The following ITSN1 variants were observed in gnomAD, a reference collection of about 807,000 sequenced individuals.
ITSN1 encodes the protein intersectin-1.
In ITSN1, 58 loss-of-function variants were observed where a neutral mutation model predicts 239.8. The observed-to-expected ratio is 0.24, with a 90% CI of 0.20 to 0.30. The LOEUF (loss-of-function observed/expected upper bound fraction) is 0.30, where lower values mean the gene tolerates loss of function less well. ITSN1 is among the 10% of genes least tolerant of loss of function. The pLI, the probability that ITSN1 is intolerant of heterozygous loss-of-function variation, is 1.00. For missense variants in ITSN1, 1,558 were observed against 2,103.3 expected (o/e 0.74, Z 5.07); for synonymous variants, 780 against 770.8 (o/e 1.01, Z -0.20).
At chr21:33,725,137 T>G (rs562489040) in intron 4 of ITSN1, among the ~76,000 whole-genome samples, 20 of 42,026 alleles carry the variant, frequency 4.8e-4, no homozygotes, top group South Asian at 4.5e-3. Flanking sequence ...TTTTTTGTTT[T>G]TTTTTTTTTT....
rs1457184417 is a variant in ITSN1, at chr21:33,890,298, G to A, written c.*1998G>A. On this transcript the variant is annotated 3_prime_UTR_variant, in exon 40 of 40. Coordinates refer to ENST00000381318, the MANE Select transcript of ITSN1 (RefSeq NM_003024.3). ...ATGGGGTAGTGTGGGTCACCATTCC[G>A]ATCTCTTTTTGTTTTCTGTCCTGTC... The A allele has an allele frequency of 1.3e-5, 2 of 152,166 alleles. No homozygotes were observed. The highest frequency in any genetic ancestry group is 2.4e-5 in the African/African-American group (1 of 41,430). The allele number at this position is 152,166 out of a possible 1,614,324, so 9.4% of individuals were successfully genotyped here.
chr21:33,753,549 T>G (rs1219356874), intron 7 of ITSN1, among the ~76,000 whole-genome samples: 1 of 151,938 alleles, frequency 6.6e-6, no homozygotes, highest in African/African-American at 2.4e-5. Context: ...GATCACAAGG[T>G]CAGGAGTTCG....
At chr21:33,825,117 A>C (rs1170582440) in intron 25 of ITSN1, among the ~76,000 whole-genome samples, 1 of 152,242 alleles carries the variant, frequency 6.6e-6, no homozygotes, top group Non-Finnish European at 1.5e-5. Context: ...TACGAAAGCC[A>C]TTACTTGTAA....
intron 29 of ITSN1, among the ~76,000 whole-genome samples, chr21:33,850,332 G>A (rs1250303425): frequency 2.0e-5 from 3 of 152,208 alleles, no homozygotes; most frequent in Non-Finnish European, 4.4e-5. Context: ...CAGGCTGGGT[G>A]GGATACCTGA....
intron 1 of ITSN1, among the ~76,000 whole-genome samples, chr21:33,642,996 GC>G (rs2087546378): frequency 6.7e-6 from 1 of 150,076 alleles, no homozygotes; most frequent in Non-Finnish European, 1.5e-5. Context: ...CGCGGGACGG[GC>G]GTGGGGATGA....
chr21:33,781,585 T>C lies in ITSN1; in HGVS notation c.1684+37T>C, dbSNP rs374662396. ...ATTTTTAAAGTTGACCTTTTCTTTA[T>C]TCTTTCTTTTTTTGACATGGAGTCT... On this transcript the variant is annotated intron_variant, in intron 15 of 39. Transcript: ENST00000381318. 10 of 1,211,752 alleles carry C rather than the reference T, an allele frequency of 8.3e-6. No homozygotes were observed. In the East Asian group the frequency reaches 2.3e-4, roughly 28 times the overall value. The allele number at this position is 1,211,752 out of a possible 1,614,324, so 75.1% of individuals were successfully genotyped here.
At position 33,718,865 on chromosome 21, in the gene ITSN1, T is replaced by C; in HGVS notation, c.28+9T>C. 6.2e-7 allele frequency: 1 copy of C among 1,611,418 alleles called. No homozygotes were observed. The highest frequency in any genetic ancestry group is 8.5e-7 in the Non-Finnish European group (1 of 1,178,114). ...TCCAACACCTTTTGGTGGTAAGTTT[T>C]CAGAAATTTCTCTTTTTAATGTACT... On this transcript the variant is annotated intron_variant, in intron 2 of 39. Coordinates refer to ENST00000381318, the MANE Select transcript of ITSN1 (RefSeq NM_003024.3).
chr21:33,887,745 A>G (rs1986015232), intron 39 of ITSN1, among the ~76,000 whole-genome samples: 1 of 152,298 alleles, frequency 6.6e-6, no homozygotes, highest in South Asian at 2.1e-4. Context: ...AGCAGGGATG[A>G]CAGGCATGAA....
At chr21:33,738,307 C>T (rs936740563) in intron 5 of ITSN1, among the ~76,000 whole-genome samples, 1 of 152,144 alleles carries the variant, frequency 6.6e-6, no homozygotes, top group Admixed American at 6.5e-5. Context: ...ACTGTATTAG[C>T]CCTGTTATAT....
Position 33,772,082 on chromosome 21 carries a change from G to A in ITSN1, c.1064G>A (p.Arg355Gln). 1.2e-6 allele frequency: 2 copies of A among 1,614,144 alleles called. No homozygotes were observed. Among genetic ancestry groups the A allele is most frequent in the Non-Finnish European group, 1.7e-6 (2 of 1,180,032 alleles). The change falls in exon 12 of 40, where the codon CGG becomes CAG. Residue 355 changes from arginine (R) to glutamine (Q), a missense_variant. By Grantham distance (43) the Arg-to-Gln change is conservative. Coordinates refer to ENST00000381318, the MANE Select transcript of ITSN1 (RefSeq NM_003024.3). ...GAAGTAACGTTTGAAGATAAGAAGC[G>A]GGAGAACTTTGAACGTGGCAACCTG... ...KLPVTFEDKK[R>Q]ENFERGNLEL...
intron 29 of ITSN1, among the ~76,000 whole-genome samples, chr21:33,844,387 C>T (rs1329552497): frequency 6.6e-6 from 1 of 152,238 alleles, no homozygotes; most frequent in African/African-American, 2.4e-5. Flanking sequence ...CCATGCAGCG[C>T]TCCACAATAA....
In ITSN1 at chr21:33,772,084, G is replaced by A; in HGVS notation, c.1066G>A (p.Glu356Lys). The A allele has an allele frequency of 3.7e-6, 6 of 1,614,218 alleles. No individual in the cohort carries two copies. The highest frequency in any genetic ancestry group is 5.1e-6 in the Non-Finnish European group (6 of 1,180,042). The change falls in exon 12 of 40, where the codon GAG becomes AAG. Residue 356 changes from glutamate to lysine, a missense_variant. By Grantham distance (56) the Glu-to-Lys change is moderately conservative. Coordinates refer to ENST00000381318, the MANE Select transcript of ITSN1 (RefSeq NM_003024.3). ...LPVTFEDKKR[E>K]NFERGNLELE... ...AGTAACGTTTGAAGATAAGAAGCGGGAGAACTTTGAACGTGGCAACCTGGA... is the reference window on the plus strand; with the variant it reads ...AGTAACGTTTGAAGATAAGAAGCGGAAGAACTTTGAACGTGGCAACCTGGA...
rs1401030007 is a variant in ITSN1, at chr21:33,899,467, GTC to G, written c.*11169_*11170del. On this transcript the variant is annotated 3_prime_UTR_variant, in exon 40 of 40. Coordinates refer to ENST00000381318, the MANE Select transcript of ITSN1 (RefSeq NM_003024.3). ...TTTTCCATAAAAGAGAGACTATATTGTCTGATATGTAATGTTAATGGAATTCT... is the reference window on the plus strand; with the variant it reads ...TTTTCCATAAAAGAGAGACTATATTGTGATATGTAATGTTAATGGAATTCT... The G allele has an allele frequency of 2.0e-5, 3 of 152,290 alleles. No individual in the cohort carries two copies. Among genetic ancestry groups the G allele is most frequent in the East Asian group, 3.9e-4 (2 of 5,188 alleles). The allele number at this position is 152,290 out of a possible 1,614,324, so 9.4% of individuals were successfully genotyped here.
chr21:33,782,367 T>G (rs2070266287), intron 16 of ITSN1, among the ~76,000 whole-genome samples: 1 of 152,342 alleles, frequency 6.6e-6, no homozygotes, highest in Non-Finnish European at 1.5e-5. Flanking sequence ...TTTTGACACA[T>G]CTCCATTCTT....
chr21:33,865,287 A>C lies in ITSN1; in HGVS notation c.4027A>C (p.Ile1343Leu). The change falls in exon 32 of 40, where the codon ATC becomes CTC. Residue 1343 changes from isoleucine to leucine, a missense_variant. Transcript: ENST00000381318. This position sits in a 1 kb window ranked among gnomAD's most constrained non-coding sequence, Gnocchi z 4.4. ...CSRQLNGAAL[I>L]QQKTDEAPDF... ...CCGCCAGCTCAACGGGGCTGCCCTGATCCAGCAGAAGACGGATGAGGCCCC... is the reference window on the plus strand; with the variant it reads ...CCGCCAGCTCAACGGGGCTGCCCTGCTCCAGCAGAAGACGGATGAGGCCCC... 1 of 1,598,546 alleles carries C rather than the reference A, an allele frequency of 6.3e-7. No individual in the cohort carries two copies. The highest frequency in any genetic ancestry group is 8.5e-7 in the Non-Finnish European group (1 of 1,172,934).
At chr21:33,668,586 T>C (rs1683166670) in intron 1 of ITSN1, among the ~76,000 whole-genome samples, 1 of 152,242 alleles carries the variant, frequency 6.6e-6, no homozygotes. Context: ...GGCCTGGGGA[T>C]GCTCTAGGCA....
intron 29 of ITSN1, among the ~76,000 whole-genome samples, chr21:33,853,515 T>G (rs1483117628): frequency 6.6e-6 from 1 of 152,218 alleles, no homozygotes; most frequent in Non-Finnish European, 1.5e-5. Context: ...GTGTAAAACT[T>G]GAAGACTCAG....
At chr21:33,759,351 T>C (rs997165735) in intron 8 of ITSN1, among the ~76,000 whole-genome samples, 1 of 152,246 alleles carries the variant, frequency 6.6e-6, no homozygotes, top group Admixed American at 6.5e-5. Flanking sequence ...TTTGTTAATG[T>C]CACATGCCAT....
At position 33,811,210 on chromosome 21, in the gene ITSN1, A is replaced by T; in HGVS notation, c.2555A>T (p.Asp852Val). The T allele has an allele frequency of 6.3e-7, 1 of 1,586,722 alleles. No homozygotes were observed. Residue 852 changes from aspartate (D) to valine (V), a missense_variant, in exon 21 of 40, where the codon GAC becomes GTC. Around this residue, in one of 2 missense-constraint regions of ITSN1, gnomAD observed 982 missense variants for 1,209.9 expected, o/e 0.81. Transcript: ENST00000381318. ...TCCACGACCCCTAATAACTGGGCCGACTTCAGCTCCACGTACGTGTTGGTG... is the reference window on the plus strand; with the variant it reads ...TCCACGACCCCTAATAACTGGGCCGTCTTCAGCTCCACGTACGTGTTGGTG... ...EPSTTPNNWA[D>V]FSSTWPTSTN...
Sources: gnomAD v4.1 joint callset for allele counts (sites outside exome capture counted in the v4.1 genomes callset) on GRCh38, gnomAD v4.1.1 for gene constraint, gnomAD v4.1.1 regional missense constraint, Gnocchi (gnomAD v3.1) non-coding constraint, MANE v1.5 for transcripts, NCBI Gene and HGNC (gene_info 2026-07-23, HGNC 2026-07-21) for gene names.